The following LAGE3 variants were observed in gnomAD, a reference collection of about 807,000 sequenced individuals.
The protein encoded by LAGE3 is EKC/KEOPS complex subunit LAGE3.
Under a neutral mutation model 4.4 loss-of-function variants are expected in LAGE3, and 2 were observed. The ratio of observed to expected loss-of-function variants is 0.46; its 90% CI spans 0.19 to 1.44. The LOEUF (loss-of-function observed/expected upper bound fraction) is 1.44, where lower values mean the gene tolerates loss of function less well. Among genes scored for constraint, LAGE3 ranks in the 40% most tolerant of loss-of-function variants. The pLI, the probability that LAGE3 is intolerant of heterozygous loss-of-function variation, is 0.26. For missense variants in LAGE3, 152 were observed against 138.1 expected (o/e 1.10, Z -0.51); for synonymous variants, 79 against 60.0 (o/e 1.32, Z -1.47).
intron 1 of LAGE3, 64 bp downstream of exon 1, chrX:154,478,664 C>T: frequency 9.8e-7 from 1 of 1,020,855 alleles, no homozygotes; most frequent in Non-Finnish European, 1.2e-6. Context: ...GCCCGCCCTC[C>T]TTTCCTTCTC....
At position 154,478,375 on chromosome X, in the gene LAGE3, C is replaced by T. The variant is rs1192756987; in HGVS notation, c.225G>A (p.Ala75=). 13 of 1,201,193 alleles carry T rather than the reference C, an allele frequency of 1.1e-5. No individual in the cohort carries two copies. The highest frequency in any genetic ancestry group is 1.5e-5 in the Non-Finnish European group (13 of 890,925). The change falls in exon 2 of 3, where the codon GCG becomes GCA. Residue 75 remains alanine (A), a synonymous_variant. Transcript: ENST00000357360. Reference sequence around the variant, plus strand: ...GTGCCAGGGACCCATGGGCGATTTCCGCCTCCAAGGGGGTCGGGAAAGGCA... The same window carrying T: ...GTGCCAGGGACCCATGGGCGATTTCTGCCTCCAAGGGGGTCGGGAAAGGCA... ...LSVPFPTPLE[A]EIAHGSLAPD...
At position 154,477,781 on chromosome X, in the gene LAGE3, C is replaced by T. The variant is rs370658292; in HGVS notation, c.*163G>A. On this transcript the variant is annotated 3_prime_UTR_variant, in exon 3 of 3. Transcript: ENST00000357360. Reference sequence around the variant, plus strand: ...AATAAACTCAGACTTGGAATAGTAGCGCAGTTTTATTTTCTGTAGTAACAA... The same window carrying T: ...AATAAACTCAGACTTGGAATAGTAGTGCAGTTTTATTTTCTGTAGTAACAA... 26 of 425,827 alleles carry T rather than the reference C, an allele frequency of 6.1e-5. No homozygotes were observed. Among genetic ancestry groups the T allele is most frequent in the African/African-American group, 5.2e-4 (20 of 38,267 alleles). 35.1% of individuals were successfully genotyped at this position (425,827 alleles called of 1,213,427 possible).
At chrX:154,478,647 G>C in intron 1 of LAGE3, 81 bp downstream of exon 1, 1 of 786,970 alleles carries the variant, frequency 1.3e-6, no homozygotes, top group Non-Finnish European at 1.7e-6. Context: ...CTTTCCGTCG[G>C]CCCCCCGCCC....
rs782021588 is a variant in LAGE3, at chrX:154,478,946, C to G, written c.-31G>C. The G allele has an allele frequency of 1.2e-4, 92 of 793,879 alleles. No homozygotes were observed. The highest frequency in any genetic ancestry group is 3.9e-4 in the East Asian group (9 of 23,241). The allele number at this position is 793,879 out of a possible 1,213,427, so 65.4% of individuals were successfully genotyped here. On this transcript the variant is annotated 5_prime_UTR_variant, in exon 1 of 3. Coordinates refer to ENST00000357360, the MANE Select transcript of LAGE3 (RefSeq NM_006014.5). ...CCGCCGCGCCGCTCCGACTCCACCC[C>G]CGAAGCGCAGGTCCTACGCCCCGCC...
intron 1 of LAGE3, 53 bp from the exon 2 acceptor site, chrX:154,478,464 G>C: frequency 8.7e-7 from 1 of 1,144,884 alleles, no homozygotes; most frequent in Non-Finnish European, 1.2e-6. Flanking sequence ...CTATGTCTCA[G>C]GCCTTCTTGC....
rs1313060217 is a variant in LAGE3, at chrX:154,479,025, C to CGCGCCT, written c.-116_-111dup. ...CCCCCTGCGCACGACTCCGCCCACA[C>CGCGCCT]GCGCCTGCGCAGGTCCCTGGAGAGC... On this transcript the variant is annotated 5_prime_UTR_variant, in exon 1 of 3. Coordinates refer to ENST00000357360, the MANE Select transcript of LAGE3 (RefSeq NM_006014.5). The CGCGCCT allele has an allele frequency of 2.9e-5, 11 of 378,069 alleles. No homozygotes were observed. Among genetic ancestry groups the CGCGCCT allele is most frequent in the African/African-American group, 5.2e-5 (2 of 38,207 alleles). 31.2% of individuals were successfully genotyped at this position (378,069 alleles called of 1,213,427 possible). A position where few individuals can be genotyped will look rare whatever the true frequency, so the allele number is the denominator to read the frequency against.
At chrX:154,478,196 C>A (rs1156372296) in intron 2 of LAGE3, 87 bp downstream of exon 2, 3 of 1,156,009 alleles carry the variant, frequency 2.6e-6, no homozygotes, top group Non-Finnish European at 3.5e-6. Flanking sequence ...CGGCCCAGCG[C>A]ACCTGGCGCT....
In LAGE3 at chrX:154,478,445, C is replaced by G. The variant is rs12392443; in HGVS notation, c.189-34G>C. The G allele has an allele frequency of 3.9e-3, 4,551 of 1,159,444 alleles. 122 individuals carry two copies. The African/African-American group carries it at 0.074, about 19-fold the overall frequency. ...CATTCGGTTAAGGTGCCATCTGATA[C>G]GATCTTGCCTATGTCTCAGGCCTTC... On this transcript the variant is annotated intron_variant, in intron 1 of 2. Coordinates refer to ENST00000357360, the MANE Select transcript of LAGE3 (RefSeq NM_006014.5).
intron 1 of LAGE3, 78 bp from the exon 2 acceptor site, chrX:154,478,489 C>T: frequency 1.8e-6 from 2 of 1,104,774 alleles, no homozygotes; most frequent in South Asian, 4.3e-5. Context: ...CTGAAGCCCC[C>T]TCTCAGGTCA....
In LAGE3 at chrX:154,477,960, G is replaced by A. The variant is rs781996986; in HGVS notation, c.416C>T (p.Pro139Leu). The part of the protein sequence containing the change: ...LVVRTMQRFG[P>L]PVSR ...AGGCCAGGCTTAGCGGGAAACGGGGGGCCCAAAGCGCTGCATGGTCCGCAC... is the reference window on the plus strand; with the variant it reads ...AGGCCAGGCTTAGCGGGAAACGGGGAGCCCAAAGCGCTGCATGGTCCGCAC... Residue 139 changes from proline (P) to leucine (L), a missense_variant, in exon 3 of 3, where the codon CCC (proline) becomes CTC (leucine). Coordinates refer to ENST00000357360, the MANE Select transcript of LAGE3 (RefSeq NM_006014.5). 7 of 1,211,014 alleles carry A rather than the reference G, an allele frequency of 5.8e-6. No homozygotes were observed. Among genetic ancestry groups the A allele is most frequent in the Admixed American group, 2.2e-5 (1 of 46,093 alleles).
Position 154,477,956 on chromosome X carries a change from G to T in LAGE3, c.420C>A (p.Pro140=). Residue 140 remains proline, a synonymous_variant, in exon 3 of 3, where the codon CCC becomes CCA. Coordinates refer to ENST00000357360, the MANE Select transcript of LAGE3 (RefSeq NM_006014.5). ...GCCCAGGCCAGGCTTAGCGGGAAACGGGGGGCCCAAAGCGCTGCATGGTCC... is the reference window on the plus strand; with the variant it reads ...GCCCAGGCCAGGCTTAGCGGGAAACTGGGGGCCCAAAGCGCTGCATGGTCC... ...VVRTMQRFGP[P]VSR is the part of the protein sequence containing the mutation. The T allele has an allele frequency of 8.3e-7, 1 of 1,209,357 alleles. No homozygotes were observed. Among genetic ancestry groups the T allele is most frequent in the Non-Finnish European group, 1.1e-6 (1 of 893,080 alleles).
Position 154,478,879 on chromosome X carries a change from C to T in LAGE3, c.37G>A (p.Asp13Asn), listed in dbSNP as rs1392844264. The T allele has an allele frequency of 8.9e-6, 9 of 1,009,409 alleles. No homozygotes were observed. Among genetic ancestry groups the T allele is most frequent in the Non-Finnish European group, 1.1e-5 (9 of 800,139 alleles). The allele number at this position is 1,009,409 out of a possible 1,213,427, so 83.2% of individuals were successfully genotyped here. ...TGGCCACCCCGGCCATCCCCGCCGTCAGCGCCTCCGCCTGCGTCTGCATCC... is the reference window on the plus strand; with the variant it reads ...TGGCCACCCCGGCCATCCCCGCCGTTAGCGCCTCCGCCTGCGTCTGCATCC... ...DADADAGGGADGGDGRGGHSC... is the reference protein window; with the variant it reads ...DADADAGGGANGGDGRGGHSC... Residue 13 changes from aspartate (D) to asparagine (N), a missense_variant, in exon 1 of 3, where the codon GAC (aspartate) becomes AAC (asparagine). Asp to Asn is a conservative substitution (Grantham distance 23). Coordinates refer to ENST00000357360, the MANE Select transcript of LAGE3 (RefSeq NM_006014.5).
Position 154,478,861 on chromosome X carries a change from C to T in LAGE3, c.55G>A (p.Gly19Ser), listed in dbSNP as rs1243725389. Residue 19 changes from glycine to serine, a missense_variant, in exon 1 of 3, where the codon GGT (glycine) becomes AGT (serine). Physicochemically the swap from Gly to Ser is moderately conservative, Grantham distance 56. Coordinates refer to ENST00000357360, the MANE Select transcript of LAGE3 (RefSeq NM_006014.5). Reference protein sequence around the residue: ...GGGADGGDGRGGHSCRGGVDT... With the variant: ...GGGADGGDGRSGHSCRGGVDT... ...ACGCCCCCGCGGCAGCTGTGGCCAC[C>T]CCGGCCATCCCCGCCGTCAGCGCCT... 3 of 1,018,219 alleles carry T rather than the reference C, an allele frequency of 2.9e-6. No homozygotes were observed. The highest frequency in any genetic ancestry group is 3.7e-6 in the Non-Finnish European group (3 of 805,200). The allele number at this position is 1,018,219 out of a possible 1,213,427, so 83.9% of individuals were successfully genotyped here.
At chrX:154,478,582 C>G (rs901483892) in intron 1 of LAGE3, 146 bp downstream of exon 1, 1 of 962,240 alleles carries the variant, frequency 1.0e-6, no homozygotes, top group African/African-American at 2.0e-5. Flanking sequence ...CAATGTCTTC[C>G]CCTCCTCCGA....
Position 154,478,714 on chromosome X carries a change from C to T in LAGE3, c.188+14G>A. On this transcript the variant is annotated intron_variant, in intron 1 of 2. Coordinates refer to ENST00000357360, the MANE Select transcript of LAGE3 (RefSeq NM_006014.5). ...TCGCTCCGCCGCAAGCAGCCCCCAG[C>T]TCGGAAAGGATACAATATGTGCGGC... 9.2e-7 allele frequency: 1 copy of T among 1,088,178 alleles called. No individual in the cohort carries two copies. The highest frequency in any genetic ancestry group is 1.2e-6 in the Non-Finnish European group (1 of 843,042). 89.7% of individuals were successfully genotyped at this position (1,088,178 alleles called of 1,213,427 possible).
At chrX:154,478,096 G>T in intron 2 of LAGE3, 38 bp from the exon 3 acceptor site, 1 of 1,129,310 alleles carries the variant, frequency 8.9e-7, no homozygotes, top group Non-Finnish European at 1.2e-6. Flanking sequence ...ATTGGAGGTG[G>T]CAACTCCTGG....
rs1255544361 is a variant in LAGE3, at chrX:154,479,075, G to A, written c.-160C>T. The stretch of plus-strand genomic sequence containing the variant: ...CCTGACTGGCGCGTGGTCAGTTCCC[G>A]CCAAGCGGCCCTGCCGGGGGCCTTC... On this transcript the variant is annotated 5_prime_UTR_variant, in exon 1 of 3. Transcript: ENST00000357360. 2 of 303,020 alleles carry A rather than the reference G, an allele frequency of 6.6e-6. No homozygotes were observed. Among genetic ancestry groups the A allele is most frequent in the Non-Finnish European group, 1.1e-5 (2 of 175,925 alleles). 25.0% of individuals were successfully genotyped at this position (303,020 alleles called of 1,213,427 possible). A position where few individuals can be genotyped will look rare whatever the true frequency, so the allele number is the denominator to read the frequency against.
In LAGE3 at chrX:154,479,067, C is replaced by T; in HGVS notation, c.-152G>A. 3.2e-6 allele frequency: 1 copy of T among 308,509 alleles called. No homozygotes were observed. The allele number at this position is 308,509 out of a possible 1,213,427, so 25.4% of individuals were successfully genotyped here. On this transcript the variant is annotated 5_prime_UTR_variant, in exon 1 of 3. Coordinates refer to ENST00000357360, the MANE Select transcript of LAGE3 (RefSeq NM_006014.5). ...CTGGAGAGCCTGACTGGCGCGTGGT[C>T]AGTTCCCGCCAAGCGGCCCTGCCGG... is the stretch of plus-strand genomic sequence containing the variant.
At chrX:154,478,229 T>TC (rs2069250624) in intron 2 of LAGE3, 54 bp downstream of exon 2, 2 of 1,189,128 alleles carry the variant, frequency 1.7e-6, no homozygotes, top group East Asian at 5.9e-5. Flanking sequence ...TCCTTGGATG[T>TC]CCCCCATGTC....
Sources: allele counts gnomAD v4.1 joint callset, GRCh38; gene constraint gnomAD v4.1.1; transcripts MANE v1.5; gene names NCBI Gene and HGNC (gene_info 2026-07-23, HGNC 2026-07-21).